Variants in OAS3 observed in about 807,000 individuals in gnomAD.
OAS3 encodes 2'-5'-oligoadenylate synthase 3.
Under a neutral mutation model 113.0 loss-of-function variants are expected in OAS3, and 107 were observed. The observed-to-expected ratio is 0.95, with a 90% CI of 0.81 to 1.11. OAS3 has a LOEUF of 1.11. Among genes scored for constraint, OAS3 ranks in the 50% most tolerant of loss-of-function variants. OAS3 has a pLI of 0.00. For missense variants in OAS3, 1,258 were observed against 1,389.1 expected, an observed-to-expected ratio of 0.91 and a Z score of 1.50; for synonymous variants, 552 against 573.6, an observed-to-expected ratio of 0.96 and a Z score of 0.54.
chr12:112,961,322 C>A (rs139763305), intron 8 of OAS3, 76 bp downstream of exon 8: 2 of 1,316,054 alleles, frequency 1.5e-6, no homozygotes, highest in Non-Finnish European at 2.1e-6. Flanking sequence ...TCCTCCTCTA[C>A]ACCCACATCT....
chr12:112,944,431 G>A, intron 2 of OAS3, 45 bp from the exon 3 acceptor site: 3 of 1,610,374 alleles, frequency 1.9e-6, no homozygotes, highest in East Asian at 2.2e-5. Context: ...CCTCCATCCT[G>A]TGTCCTCAGT....
chr12:112,942,815 A>G (rs1249830491), intron 2 of OAS3, among the ~76,000 whole-genome samples: 1 of 150,264 alleles, frequency 6.7e-6, no homozygotes, highest in Non-Finnish European at 1.5e-5. Context: ...TATTGTTATT[A>G]TTATTATTAT....
Position 112,957,627 on chromosome 12 carries a change from T to C in OAS3, c.1658-3444T>C, listed in dbSNP as rs553202872. Reference sequence around the variant, plus strand: ...GTTGACTGGATATGAAATTCTGGGTTGAAAATTCTTTTCTTTAAGAACGTC... The same window carrying C: ...GTTGACTGGATATGAAATTCTGGGTCGAAAATTCTTTTCTTTAAGAACGTC... On this transcript the variant is annotated intron_variant, in intron 7 of 15. Transcript: ENST00000228928. Among the ~76,000 whole-genome samples, 15 of 152,366 alleles carry C rather than the reference T, an allele frequency of 9.8e-5. No individual in the cohort carries two copies. In the East Asian group the frequency reaches 2.9e-3, roughly 29 times the overall value.
Position 112,965,841 on chromosome 12 carries a change from A to G in OAS3, c.2501A>G (p.Asn834Ser), listed in dbSNP as rs2043928031. Residue 834 changes from asparagine (N) to serine (S), a missense_variant, in exon 12 of 16, where the codon AAC becomes AGC. Physicochemically the swap from Asn to Ser is conservative, Grantham distance 46. Coordinates refer to ENST00000228928, the MANE Select transcript of OAS3 (RefSeq NM_006187.4). ...SCFSQFTEQG[N>S]KRAEIISEIR... ...TTCAGCCAGTTCACTGAGCAGGGCA[A>G]CAAGCGGGCCGAGATCATCTCCGAG... 1.2e-6 allele frequency: 2 copies of G among 1,613,774 alleles called. No individual in the cohort carries two copies. Among genetic ancestry groups the G allele is most frequent in the African/African-American group, 1.3e-5 (1 of 74,926 alleles).
At chr12:112,966,936 A>C (rs938267914) in intron 12 of OAS3, among the ~76,000 whole-genome samples, 1 of 152,184 alleles carries the variant, frequency 6.6e-6, no homozygotes. Flanking sequence ...AAGCCACTGC[A>C]CCCAGCCCAG....
In OAS3 at chr12:112,946,929, T is replaced by C; in HGVS notation, c.823T>C (p.Phe275Leu). The C allele has an allele frequency of 6.2e-7, 1 of 1,614,046 alleles. No individual in the cohort carries two copies. The highest frequency in any genetic ancestry group is 8.5e-7 in the Non-Finnish European group (1 of 1,179,902). The change falls in exon 4 of 16, where the codon TTC (phenylalanine) becomes CTC (leucine). Residue 275 changes from phenylalanine to leucine, a missense_variant. Coordinates refer to ENST00000228928, the MANE Select transcript of OAS3 (RefSeq NM_006187.4). The part of the protein sequence containing the change: ...LCVFWTVNYG[F>L]EDPAVGQFLQ... Reference sequence around the variant, plus strand: ...TGTTTTCTGGACTGTCAACTATGGCTTCGAGGACCCTGCAGTTGGGCAGTT... The same window carrying C: ...TGTTTTCTGGACTGTCAACTATGGCCTCGAGGACCCTGCAGTTGGGCAGTT...
chr12:112,943,560 A>C (rs2043699710), intron 2 of OAS3, among the ~76,000 whole-genome samples: 1 of 152,162 alleles, frequency 6.6e-6, no homozygotes, highest in Non-Finnish European at 1.5e-5. Context: ...CCTCCATCGC[A>C]TGCTGGCTGT....
chr12:112,947,032 G>C lies in OAS3; in HGVS notation c.875+51G>C, dbSNP rs538979072. On this transcript the variant is annotated intron_variant, in intron 4 of 15. Transcript: ENST00000228928. Reference sequence around the variant, plus strand: ...CTCTCCTGTCCCGGGGCCAGGGGGAGATAATTGACAAGGACAAAACCGGTT... The same window carrying C: ...CTCTCCTGTCCCGGGGCCAGGGGGACATAATTGACAAGGACAAAACCGGTT... 16 of 1,502,454 alleles carry C rather than the reference G, an allele frequency of 1.1e-5. No homozygotes were observed. The Admixed American group carries it at 1.1e-4, about 10-fold the overall frequency. 93.1% of individuals were successfully genotyped at this position (1,502,454 alleles called of 1,614,324 possible).
At chr12:112,944,381 C>G in intron 2 of OAS3, 95 bp from the exon 3 acceptor site, 1 of 1,354,916 alleles carries the variant, frequency 7.4e-7, no homozygotes, top group Non-Finnish European at 1.0e-6. Flanking sequence ...TCTTCCCACT[C>G]TCTCTCAGCG....
intron 4 of OAS3, 47 bp from the exon 5 acceptor site, chr12:112,947,899 A>C: frequency 5.3e-6 from 8 of 1,515,294 alleles, no homozygotes; most frequent in Non-Finnish European, 6.2e-6. Context: ...GTTTCACTCC[A>C]GAGCCCTCTT....
Position 112,963,617 on chromosome 12 carries a change from A to G in OAS3, c.2229+160A>G, listed in dbSNP as rs952068387. ...GAGACTTGCCTTTCATGAAATGCAC[A>G]GATTGCTACGTCCCAGCCAGTGCCT... On this transcript the variant is annotated intron_variant, in intron 10 of 15. Transcript: ENST00000228928. This position sits in a 1 kb window ranked among gnomAD's most constrained non-coding sequence, Gnocchi z 4.6. Among the ~76,000 whole-genome samples, 1 of 152,176 alleles carries G rather than the reference A, an allele frequency of 6.6e-6. No individual in the cohort carries two copies. The highest frequency in any genetic ancestry group is 1.5e-5 in the Non-Finnish European group (1 of 68,022).
rs1204312218 is a variant in OAS3, at chr12:112,972,748, A to T, written c.*2775A>T. 1 of 152,220 alleles carries T rather than the reference A, an allele frequency of 6.6e-6. No individual in the cohort carries two copies. Among genetic ancestry groups the T allele is most frequent in the African/African-American group, 2.4e-5 (1 of 41,454 alleles). The allele number at this position is 152,220 out of a possible 1,614,324, so 9.4% of individuals were successfully genotyped here. A position where few individuals can be genotyped will look rare whatever the true frequency, so the allele number is the denominator to read the frequency against. On this transcript the variant is annotated 3_prime_UTR_variant, in exon 16 of 16. Transcript: ENST00000228928. ...CTAAATGCAATCAATCAGCAATTGA[A>T]AGCTAAGTGAGAGAGCCAGAGGGCC...
chr12:112,942,637 G>A (rs370472807), intron 2 of OAS3, among the ~76,000 whole-genome samples: 1 of 151,752 alleles, frequency 6.6e-6, no homozygotes, highest in East Asian at 1.9e-4. Context: ...AGGATTGTTT[G>A]AGCCCAGGCA....
chr12:112,941,451 C>A, intron 1 of OAS3, 119 bp from the exon 2 acceptor site: 1 of 1,135,404 alleles, frequency 8.8e-7, no homozygotes, highest in Non-Finnish European at 1.3e-6. Context: ...GCTTCAATGC[C>A]TACAGCCATG....
rs765652205 is a variant in OAS3 at position 112,949,083 on chromosome 12, C to T, written c.1252C>T (p.Arg418Cys). 1.2e-5 allele frequency: 20 copies of T among 1,613,872 alleles called. No individual in the cohort carries two copies. The highest frequency in any genetic ancestry group is 6.6e-5 in the South Asian group (6 of 91,082). ...LSQIPTKELD[R>C]FIQDHLKPSP... ...TCAGATCCCCACCAAGGAGCTGGACCGCTTCATCCAGGACCACCTGAAGCC... is the reference window on the plus strand; with the variant it reads ...TCAGATCCCCACCAAGGAGCTGGACTGCTTCATCCAGGACCACCTGAAGCC... The change falls in exon 6 of 16, where the codon CGC (arginine) becomes TGC (cysteine). Residue 418 changes from arginine to cysteine, a missense_variant. Coordinates refer to ENST00000228928, the MANE Select transcript of OAS3 (RefSeq NM_006187.4).
Position 112,968,205 on chromosome 12 carries a change from T to C in OAS3, c.3104+31T>C, listed in dbSNP as rs767074389. 3 of 1,590,876 alleles carry C rather than the reference T, an allele frequency of 1.9e-6. No homozygotes were observed. In the Admixed American group the frequency reaches 5.2e-5, roughly 27 times the overall value. The stretch of plus-strand genomic sequence containing the variant: ...GGTCTACCCCCAATGTTCCAGAATT[T>C]CAAACCTGGGATCACTCACTCTCCC... On this transcript the variant is annotated intron_variant, in intron 14 of 15. Coordinates refer to ENST00000228928, the MANE Select transcript of OAS3 (RefSeq NM_006187.4).
intron 8 of OAS3, among the ~76,000 whole-genome samples, chr12:112,961,748 C>G (rs144739779): frequency 6.6e-5 from 10 of 151,780 alleles, no homozygotes; most frequent in Middle Eastern, 3.4e-3. Context: ...TGCCTGAAAG[C>G]AGATCTACTC....
At position 112,963,522 on chromosome 12, in the gene OAS3, C is replaced by A; in HGVS notation, c.2229+65C>A. ...CTGCCTTCTAGTCAGGTTCCCTTAACCTGCCGGTGCACCCATCCCCAGCTG... is the reference window on the plus strand; with the variant it reads ...CTGCCTTCTAGTCAGGTTCCCTTAAACTGCCGGTGCACCCATCCCCAGCTG... On this transcript the variant is annotated intron_variant, in intron 10 of 15. Transcript: ENST00000228928. The surrounding 1 kb of genome is among the most constrained non-coding windows in gnomAD (Gnocchi z 4.6). 3.6e-6 allele frequency: 5 copies of A among 1,386,138 alleles called. No individual in the cohort carries two copies. Among genetic ancestry groups the A allele is most frequent in the Non-Finnish European group, 4.7e-6 (5 of 1,058,490 alleles). 85.9% of individuals were successfully genotyped at this position (1,386,138 alleles called of 1,614,324 possible).
chr12:112,962,744 G>A lies in OAS3; in HGVS notation c.1926G>A (p.Gln642=). ...LELLTIFAWE[Q]GCRQDCFNMA... Reference sequence around the variant, plus strand: ...TCCTCACCATCTTTGCCTGGGAGCAGGGCTGCAGGCAGGATTGTTTCAACA... The same window carrying A: ...TCCTCACCATCTTTGCCTGGGAGCAAGGCTGCAGGCAGGATTGTTTCAACA... The change falls in exon 9 of 16, where the codon CAG becomes CAA. Residue 642 remains glutamine (Q), a synonymous_variant. Transcript: ENST00000228928. 2 of 1,614,046 alleles carry A rather than the reference G, an allele frequency of 1.2e-6. No individual in the cohort carries two copies. The highest frequency in any genetic ancestry group is 1.7e-6 in the Non-Finnish European group (2 of 1,179,900).
Sources: allele counts gnomAD v4.1 joint callset (sites outside exome capture counted in the v4.1 genomes callset), GRCh38; gene constraint gnomAD v4.1.1; non-coding constraint Gnocchi (gnomAD v3.1); transcripts MANE v1.5; gene names NCBI Gene and HGNC (gene_info 2026-07-23, HGNC 2026-07-21).